KLHL1: variants seen among roughly 807,000 people sequenced by gnomAD.
The protein encoded by KLHL1 is kelch like family member 1.
In KLHL1, 47 loss-of-function variants were observed where a neutral mutation model predicts 77.7. That is an observed-to-expected ratio of 0.60 (90% confidence interval 0.48 to 0.77). The LOEUF is 0.77. KLHL1 is among the 30% of genes least tolerant of loss of function. The probability of loss-of-function intolerance (pLI) is 0.00; values close to 1 mark genes in which losing one functional copy is unlikely to be tolerated. For missense variants in KLHL1, 925 were observed against 910.8 expected, an observed-to-expected ratio of 1.02 and a Z score of -0.20; for synonymous variants, 360 against 325.2, an observed-to-expected ratio of 1.11 and a Z score of -1.15.
intron 2 of KLHL1, among the ~76,000 whole-genome samples, chr13:69,966,306 G>A (rs986100023): frequency 2.6e-5 from 4 of 152,114 alleles, no homozygotes; most frequent in African/African-American, 9.7e-5. Context: ...TTACCATTCT[G>A]AAAATCCTAG....
At chr13:69,940,380 G>A (rs2138301226) in intron 3 of KLHL1, 144 bp from the exon 4 acceptor site, 2 of 551,802 alleles carry the variant, frequency 3.6e-6, no homozygotes, top group East Asian at 3.3e-5. Context: ...CTCGGTAAAG[G>A]TCACCAATTG....
chr13:69,823,514 A>G (rs1280294978), intron 6 of KLHL1, among the ~76,000 whole-genome samples: 2 of 151,914 alleles, frequency 1.3e-5, no homozygotes, highest in Non-Finnish European at 2.9e-5. Flanking sequence ...CATATTAGAA[A>G]TTGGACTAGA....
intron 1 of KLHL1, among the ~76,000 whole-genome samples, chr13:70,017,686 G>A (rs1885692478): frequency 6.6e-6 from 1 of 152,178 alleles, no homozygotes; most frequent in South Asian, 2.1e-4. Flanking sequence ...ACATACAAAT[G>A]TGCATAAGCT....
intron 7 of KLHL1, among the ~76,000 whole-genome samples, chr13:69,742,054 A>G (rs1453895640): frequency 6.6e-6 from 1 of 152,190 alleles, no homozygotes; most frequent in Non-Finnish European, 1.5e-5. Flanking sequence ...AGTTGAGTTC[A>G]GTCACAGTTT....
intron 8 of KLHL1, among the ~76,000 whole-genome samples, chr13:69,723,187 G>C (rs1267996304): frequency 6.6e-6 from 1 of 151,988 alleles, no homozygotes; most frequent in Non-Finnish European, 1.5e-5. Flanking sequence ...AGTGGGGAGG[G>C]GTAGATGGAG....
intron 6 of KLHL1, among the ~76,000 whole-genome samples, chr13:69,828,702 C>A (rs751574039): frequency 3.3e-5 from 5 of 150,152 alleles, no homozygotes; most frequent in African/African-American, 5.0e-5. Flanking sequence ...ATATAAACTC[C>A]AGGCTGATGC....
chr13:69,858,698 A>G (rs61965660), intron 5 of KLHL1, among the ~76,000 whole-genome samples: 48,367 of 151,826 alleles, frequency 0.32, 8,208 homozygotes, highest in African/African-American at 0.45. Flanking sequence ...TATTAGTGGA[A>G]ATGACTATTG....
rs528699935 is a variant in KLHL1, at chr13:69,975,383, T to G, written c.680+237A>C. On this transcript the variant is annotated intron_variant, in intron 2 of 10. Coordinates refer to ENST00000377844, the MANE Select transcript of KLHL1 (RefSeq NM_020866.3). ...TACAAGTAGTTTTATTTTTGAACAC[T>G]TTATAATTGTTTTGTTTTTCAAAAA... 2.7e-4 allele frequency among the ~76,000 whole-genome samples: 41 copies of G among 152,142 alleles called. No individual in the cohort carries two copies. The South Asian group carries it at 6.6e-3, about 25-fold the overall frequency.
At chr13:69,938,465 G>A (rs976710982) in intron 4 of KLHL1, among the ~76,000 whole-genome samples, 3 of 151,828 alleles carry the variant, frequency 2.0e-5, no homozygotes, top group Admixed American at 6.6e-5. Context: ...ACTATTGTGC[G>A]ATAAATTGCA....
At chr13:69,756,982 T>C (rs574655030) in intron 7 of KLHL1, among the ~76,000 whole-genome samples, 189 of 152,274 alleles carry the variant, frequency 1.2e-3, no homozygotes, top group Non-Finnish European at 2.2e-3. Context: ...ACTCCAGTTA[T>C]TAGGCAAAGT....
chr13:69,793,620 T>A (rs1876971717), intron 7 of KLHL1, among the ~76,000 whole-genome samples: 1 of 152,040 alleles, frequency 6.6e-6, no homozygotes, highest in Non-Finnish European at 1.5e-5. Context: ...CTTGAATGTA[T>A]AATATGTTAT....
intron 1 of KLHL1, among the ~76,000 whole-genome samples, chr13:69,997,271 ATT>A (rs1885179724): frequency 1.4e-5 from 2 of 146,758 alleles, no homozygotes. Context: ...TTCAAATTTT[ATT>A]TTTTCTTTTT....
intron 3 of KLHL1, among the ~76,000 whole-genome samples, chr13:69,951,961 C>A (rs1033187034): frequency 1.3e-5 from 2 of 151,402 alleles, no homozygotes; most frequent in African/African-American, 4.8e-5. Flanking sequence ...AAAACACTAT[C>A]CGAGCACATT....
At chr13:70,080,355 A>C (rs1887364656) in intron 1 of KLHL1, among the ~76,000 whole-genome samples, 3 of 152,200 alleles carry the variant, frequency 2.0e-5, no homozygotes, top group African/African-American at 7.2e-5. Context: ...TCATAAATGC[A>C]GAAAAATGTA....
chr13:69,831,273 T>G (rs1878750496), intron 6 of KLHL1, among the ~76,000 whole-genome samples: 1 of 149,820 alleles, frequency 6.7e-6, no homozygotes, highest in African/African-American at 2.5e-5. Context: ...ATATTACAAC[T>G]GATAACACAG....
intron 4 of KLHL1, among the ~76,000 whole-genome samples, chr13:69,917,835 A>G (rs1228150266): frequency 3.3e-5 from 5 of 152,116 alleles, no homozygotes; most frequent in African/African-American, 9.6e-5. Context: ...GGTGATAACC[A>G]CAAAACACTG....
intron 5 of KLHL1, among the ~76,000 whole-genome samples, chr13:69,839,412 A>C (rs1879155830): frequency 6.6e-6 from 1 of 151,888 alleles, no homozygotes; most frequent in Admixed American, 6.6e-5. Flanking sequence ...AAAAACACTT[A>C]TAGTGATCAG....
intron 7 of KLHL1, among the ~76,000 whole-genome samples, chr13:69,752,296 C>A (rs894751185): frequency 2.0e-5 from 3 of 152,068 alleles, no homozygotes; most frequent in Non-Finnish European, 2.9e-5. Flanking sequence ...TGCTAATGCA[C>A]CCCGTTGCCT....
intron 1 of KLHL1, among the ~76,000 whole-genome samples, chr13:70,074,124 G>A (rs1887205253): frequency 6.6e-6 from 1 of 152,064 alleles, no homozygotes; most frequent in Admixed American, 6.5e-5. Flanking sequence ...ACCTTGCCCG[G>A]CACCTTAAGC....
Sources: gnomAD v4.1 joint callset for allele counts (sites outside exome capture counted in the v4.1 genomes callset) on GRCh38, gnomAD v4.1.1 for gene constraint, MANE v1.5 for transcripts, NCBI Gene and HGNC (gene_info 2026-07-23, HGNC 2026-07-21) for gene names.